NLGN1: variants seen among roughly 807,000 people sequenced by gnomAD.
NLGN1 encodes neuroligin-1.
In NLGN1, 12 loss-of-function variants were observed where a neutral mutation model predicts 65.5. The observed-to-expected ratio is 0.18, with a 90% CI of 0.12 to 0.30. The LOEUF (loss-of-function observed/expected upper bound fraction) is 0.30. NLGN1 is among the 10% of genes least tolerant of loss of function. The pLI, the probability that NLGN1 is intolerant of heterozygous loss-of-function variation, is 1.00. For synonymous variants in NLGN1, 350 were observed against 359.5 expected, an observed-to-expected ratio of 0.97 and a Z score of 0.30; for missense variants, 750 against 1,007.1, an observed-to-expected ratio of 0.74 and a Z score of 3.46.
chr3:173,462,127 T>A (rs1723511639), intron 2 of NLGN1, among the ~76,000 whole-genome samples: 1 of 152,200 alleles, frequency 6.6e-6, no homozygotes, highest in Non-Finnish European at 1.5e-5. Context: ...TGAATTCCTA[T>A]AAAAGTCTTT....
chr3:173,446,108 A>G (rs2148819792), intron 2 of NLGN1, among the ~76,000 whole-genome samples: 1 of 150,598 alleles, frequency 6.6e-6, no homozygotes, highest in African/African-American at 2.4e-5. Flanking sequence ...GTACATGTGC[A>G]CAACGTGCAG....
chr3:174,057,625 G>C, intron 4 of NLGN1: 1 of 152,062 alleles, frequency 6.6e-6, no homozygotes, highest in East Asian at 1.9e-4. Flanking sequence ...TCCTGCCATG[G>C]TTTTGGTGTG....
chr3:173,645,522 C>T (rs1259710109), intron 3 of NLGN1, among the ~76,000 whole-genome samples: 2 of 152,242 alleles, frequency 1.3e-5, no homozygotes, highest in South Asian at 2.1e-4. Flanking sequence ...AGTGTCTCCT[C>T]TCCACAGTGG....
intron 3 of NLGN1, among the ~76,000 whole-genome samples, chr3:173,806,410 T>C (rs1716654760): frequency 6.6e-6 from 1 of 152,060 alleles, no homozygotes; most frequent in Non-Finnish European, 1.5e-5. Context: ...ATAAGGATGT[T>C]GGAGAGTTAA....
chr3:173,451,172 T>G (rs186486959), intron 2 of NLGN1, among the ~76,000 whole-genome samples: 5 of 152,346 alleles, frequency 3.3e-5, no homozygotes, highest in Admixed American at 3.3e-4. Flanking sequence ...TGCTCTGTTT[T>G]TTCCTCATCT....
intron 4 of NLGN1, among the ~76,000 whole-genome samples, chr3:173,810,453 G>C (rs1196203600): frequency 6.6e-6 from 1 of 152,096 alleles, no homozygotes; most frequent in Non-Finnish European, 1.5e-5. Flanking sequence ...GTTTTCACTG[G>C]GGTATTTTGG....
At chr3:173,958,767 A>T (rs1376924996) in intron 4 of NLGN1, among the ~76,000 whole-genome samples, 1 of 152,100 alleles carries the variant, frequency 6.6e-6, no homozygotes, top group East Asian at 1.9e-4. Flanking sequence ...GCCATTGTTC[A>T]TGGCACCCAG....
chr3:173,595,937 G>T (rs953678793), intron 2 of NLGN1, among the ~76,000 whole-genome samples: 1 of 152,202 alleles, frequency 6.6e-6, no homozygotes, highest in Non-Finnish European at 1.5e-5. Context: ...CCCACAACAC[G>T]TGGGAATTAT....
intron 4 of NLGN1, among the ~76,000 whole-genome samples, chr3:173,942,087 G>T (rs1238658804): frequency 6.7e-6 from 1 of 150,052 alleles, no homozygotes; most frequent in Non-Finnish European, 1.5e-5. Context: ...AAACATCATG[G>T]TCAGGAATAT....
chr3:173,421,270 G>T (rs540060201), intron 1 of NLGN1, among the ~76,000 whole-genome samples: 4 of 151,952 alleles, frequency 2.6e-5, no homozygotes, highest in South Asian at 2.1e-4. Flanking sequence ...ATTAGAATTT[G>T]CAAGAGTACA....
chr3:174,076,630 T>G (rs576836912), intron 4 of NLGN1, among the ~76,000 whole-genome samples: 1 of 151,408 alleles, frequency 6.6e-6, no homozygotes, highest in East Asian at 2.0e-4. Context: ...ATGAAACCTT[T>G]CCTGAAGCTG....
Position 173,503,767 on chromosome 3 carries a change from A to C in NLGN1, c.-321+68689A>C, listed in dbSNP as rs181729916. 1.4e-3 allele frequency among the ~76,000 whole-genome samples: 206 copies of C among 152,046 alleles called. 1 individual carries two copies. Among genetic ancestry groups the C allele is most frequent in the African/African-American group, 4.5e-3 (187 of 41,488 alleles). On this transcript the variant is annotated intron_variant, in intron 2 of 6. Coordinates refer to ENST00000457714, the Ensembl canonical transcript of NLGN1. ...TCTCTTAATTATCCTGAAAGACTTA[A>C]CTCCATTTCCAAAGGTGCTACAGGG... is the stretch of plus-strand genomic sequence containing the variant.
chr3:173,703,458 ATTTAT>A (rs1379660401), intron 3 of NLGN1, among the ~76,000 whole-genome samples: 4 of 152,076 alleles, frequency 2.6e-5, no homozygotes, highest in African/African-American at 9.7e-5. Flanking sequence ...GGAACTTTTT[ATTTAT>A]TTTAACTTCT....
chr3:173,781,978 A>G (rs1781236136), intron 3 of NLGN1, among the ~76,000 whole-genome samples: 1 of 152,188 alleles, frequency 6.6e-6, no homozygotes, highest in Non-Finnish European at 1.5e-5. Context: ...ATCCCACTGA[A>G]GAACAGGCAA....
At chr3:173,574,084 GAAAAAGA>G (rs1745118725) in intron 2 of NLGN1, among the ~76,000 whole-genome samples, 6 of 124,660 alleles carry the variant, frequency 4.8e-5, no homozygotes, top group African/African-American at 1.5e-4. Flanking sequence ...AAAAAAAAAA[GAAAAAGA>G]AAAAAGAAAA....
At chr3:173,570,918 G>A (rs1463258025) in intron 2 of NLGN1, among the ~76,000 whole-genome samples, 1 of 152,070 alleles carries the variant, frequency 6.6e-6, no homozygotes, top group Non-Finnish European at 1.5e-5. Context: ...TGGTCAGGCT[G>A]GTCTCGAACT....
At chr3:174,153,536 T>A (rs542426647) in intron 4 of NLGN1, among the ~76,000 whole-genome samples, 1 of 152,268 alleles carries the variant, frequency 6.6e-6, no homozygotes, top group East Asian at 1.9e-4. Context: ...ATAATCACAT[T>A]TGTATATATA....
At chr3:174,163,462 G>A (rs1471458116) in intron 4 of NLGN1, among the ~76,000 whole-genome samples, 1 of 151,758 alleles carries the variant, frequency 6.6e-6, no homozygotes, top group African/African-American at 2.4e-5. Flanking sequence ...AGACTCAGGG[G>A]TACATATACA....
At chr3:173,573,655 CTAT>C (rs1042615518) in intron 2 of NLGN1, among the ~76,000 whole-genome samples, 7 of 150,774 alleles carry the variant, frequency 4.6e-5, no homozygotes, top group African/African-American at 9.7e-5. Context: ...TATTTTTATG[CTAT>C]TATTATTATT....
Sources: gnomAD v4.1 joint callset for allele counts (sites outside exome capture counted in the v4.1 genomes callset) on GRCh38, gnomAD v4.1.1 for gene constraint, MANE v1.5 for transcripts, NCBI Gene and HGNC (gene_info 2026-07-23, HGNC 2026-07-21) for gene names.